Variants in CAMTA1 observed in about 807,000 individuals in gnomAD.
CAMTA1 encodes the protein calmodulin-binding transcription activator 1.
A neutral mutation model predicts 170.9 loss-of-function variants in CAMTA1; 27 were observed. That is an observed-to-expected ratio of 0.16 (90% CI 0.12 to 0.22). The LOEUF is 0.22. Ranked by LOEUF, CAMTA1 falls within the 10% of genes least tolerant of loss-of-function variation. The pLI is 1.00. For synonymous variants in CAMTA1, 833 were observed against 891.5 expected (o/e 0.93, Z 1.17); for missense variants, 1,619 against 2,217.2 (o/e 0.73, Z 5.42).
chr1:7,702,710 G>C (rs1312082289), intron 11 of CAMTA1, among the ~76,000 whole-genome samples: 1 of 152,126 alleles, frequency 6.6e-6, no homozygotes, highest in African/African-American at 2.4e-5. Flanking sequence ...ATGTATGATG[G>C]ACATATGGAA....
At chr1:7,541,383 T>C (rs1274229386) in intron 6 of CAMTA1, among the ~76,000 whole-genome samples, 1 of 152,198 alleles carries the variant, frequency 6.6e-6, no homozygotes, top group Non-Finnish European at 1.5e-5. Context: ...TGATGGGAAC[T>C]GGATTTGCTG....
At chr1:7,163,291 T>C (rs1240275048) in intron 4 of CAMTA1, among the ~76,000 whole-genome samples, 3 of 89,486 alleles carry the variant, frequency 3.4e-5, no homozygotes, top group African/African-American at 1.4e-4. Flanking sequence ...GTGGCCAGGC[T>C]GGGGTGGGGG....
intron 3 of CAMTA1, among the ~76,000 whole-genome samples, chr1:7,026,302 C>G (rs562990944): frequency 6.6e-6 from 1 of 152,074 alleles, no homozygotes; most frequent in Non-Finnish European, 1.5e-5. Flanking sequence ...GATTGCTGCT[C>G]AGGCCCTGTG....
intron 3 of CAMTA1, among the ~76,000 whole-genome samples, chr1:6,833,491 C>T (rs1364469661): frequency 1.3e-5 from 2 of 152,058 alleles, no homozygotes; most frequent in Non-Finnish European, 2.9e-5. Context: ...GATGTTTTGC[C>T]AAAACTAAAT....
intron 1 of CAMTA1, among the ~76,000 whole-genome samples, chr1:6,810,988 C>G (rs973205587): frequency 1.6e-4 from 25 of 152,110 alleles, no homozygotes; most frequent in Non-Finnish European, 2.5e-4. Context: ...AAGTGCAGTT[C>G]CAGTTGAAAG....
rs192897874 is a variant in CAMTA1 at position 7,111,989 on chromosome 1, C to A, written c.302+20618C>A. Among the ~76,000 whole-genome samples, 26 of 151,992 alleles carry A rather than the reference C, an allele frequency of 1.7e-4. 1 individual carries two copies. Among genetic ancestry groups the A allele is most frequent in the Admixed American group, 1.7e-3 (26 of 15,278 alleles). ...GAAAGGGAGTGGCTCTAGGAAGCAG[C>A]CTATGAGTGGCCACCGTCACTATGG... is the stretch of plus-strand genomic sequence containing the variant. On this transcript the variant is annotated intron_variant, in intron 4 of 22. Coordinates refer to ENST00000303635, the MANE Select transcript of CAMTA1 (RefSeq NM_015215.4).
intron 5 of CAMTA1, among the ~76,000 whole-genome samples, chr1:7,454,893 A>G (rs1311154177): frequency 2.0e-5 from 3 of 152,148 alleles, no homozygotes; most frequent in Admixed American, 6.5e-5. Context: ...TCTTTCTGCT[A>G]AACTGCAGAC....
chr1:7,350,362 C>T (rs1469007799), intron 5 of CAMTA1, among the ~76,000 whole-genome samples: 2 of 152,248 alleles, frequency 1.3e-5, no homozygotes, highest in Non-Finnish European at 2.9e-5. Context: ...TCCCCTGAGA[C>T]CCTCTATGTC....
intron 3 of CAMTA1, among the ~76,000 whole-genome samples, chr1:6,866,412 A>G (rs1207330622): frequency 1.3e-5 from 2 of 152,224 alleles, no homozygotes; most frequent in African/African-American, 2.4e-5. Context: ...GATGAAAGTG[A>G]ACCCTGGTAT....
At chr1:7,080,734 C>A (rs1485982597) in intron 3 of CAMTA1, among the ~76,000 whole-genome samples, 1 of 152,152 alleles carries the variant, frequency 6.6e-6, no homozygotes, top group Non-Finnish European at 1.5e-5. Flanking sequence ...GGGGTTTCAC[C>A]ATGTTGGCCA....
chr1:7,475,398 G>A (rs551290911), intron 6 of CAMTA1, among the ~76,000 whole-genome samples: 122 of 152,290 alleles, frequency 8.0e-4, no homozygotes, highest in African/African-American at 2.8e-3. Context: ...CCCCAAAGAG[G>A]ACATTTGGAC....
chr1:7,409,432 A>C (rs2090543820), intron 5 of CAMTA1, among the ~76,000 whole-genome samples: 1 of 152,144 alleles, frequency 6.6e-6, no homozygotes. Context: ...CCAGTCCCTT[A>C]GCCCTACAGG....
At chr1:6,957,862 G>C (rs962118865) in intron 3 of CAMTA1, among the ~76,000 whole-genome samples, 5 of 152,224 alleles carry the variant, frequency 3.3e-5, no homozygotes, top group Non-Finnish European at 5.9e-5. Flanking sequence ...CTTTGAGCCA[G>C]CTTGACTTTT....
At chr1:7,062,549 C>T (rs1199282745) in intron 3 of CAMTA1, among the ~76,000 whole-genome samples, 4 of 152,046 alleles carry the variant, frequency 2.6e-5, no homozygotes, top group African/African-American at 9.7e-5. Context: ...TGAGGGCTTA[C>T]ACGGACAGGC....
chr1:7,154,518 G>T (rs1183220099), intron 4 of CAMTA1, among the ~76,000 whole-genome samples: 1 of 152,128 alleles, frequency 6.6e-6, no homozygotes, highest in Non-Finnish European at 1.5e-5. Flanking sequence ...TCCCTTTCTG[G>T]CAGGAGAGGA....
chr1:7,717,369 C>T (rs2096618316), intron 11 of CAMTA1, among the ~76,000 whole-genome samples: 1 of 152,122 alleles, frequency 6.6e-6, no homozygotes, highest in Non-Finnish European at 1.5e-5. Flanking sequence ...TGTTAATTAG[C>T]TAGATTTAAT....
In CAMTA1 at chr1:7,343,409, G is replaced by A. The variant is rs2083986663; in HGVS notation, c.438+93783G>A. Among the ~76,000 whole-genome samples, 4 of 152,268 alleles carry A rather than the reference G, an allele frequency of 2.6e-5. No homozygotes were observed. In the South Asian group the frequency reaches 8.3e-4, roughly 32 times the overall value. On this transcript the variant is annotated intron_variant, in intron 5 of 22. Transcript: ENST00000303635. ...CTTGGCCACCTCCGAGGCCATATTGGGCTGGAACCTCCATTATCTGTGTAG... is the reference window on the plus strand; with the variant it reads ...CTTGGCCACCTCCGAGGCCATATTGAGCTGGAACCTCCATTATCTGTGTAG...
chr1:7,013,999 C>G (rs892510826), intron 3 of CAMTA1, among the ~76,000 whole-genome samples: 1 of 152,208 alleles, frequency 6.6e-6, no homozygotes, highest in Non-Finnish European at 1.5e-5. Context: ...ACATGGAAGC[C>G]CAGCACATTT....
intron 3 of CAMTA1, among the ~76,000 whole-genome samples, chr1:6,915,159 A>G (rs1053043747): frequency 1.3e-5 from 2 of 152,252 alleles, no homozygotes; most frequent in Non-Finnish European, 2.9e-5. Flanking sequence ...TTTAAAATCC[A>G]GACACTTTGG....
Sources: allele counts gnomAD v4.1 joint callset (sites outside exome capture counted in the v4.1 genomes callset), GRCh38; gene constraint gnomAD v4.1.1; transcripts MANE v1.5; gene names NCBI Gene and HGNC (gene_info 2026-07-23, HGNC 2026-07-21).